JPH3: variants seen among roughly 807,000 people sequenced by gnomAD.
JPH3 encodes the protein junctophilin-3.
A neutral mutation model predicts 59.6 loss-of-function variants in JPH3; 11 were observed. That is an observed-to-expected ratio of 0.18 (90% CI 0.12 to 0.31). JPH3 has a LOEUF of 0.31. Ranked by LOEUF, JPH3 falls within the 10% of genes least tolerant of loss-of-function variation. The pLI, the probability that JPH3 is intolerant of heterozygous loss-of-function variation, is 1.00. For synonymous variants in JPH3, 673 were observed against 483.6 expected, an observed-to-expected ratio of 1.39 and a Z score of -5.14; for missense variants, 1,202 against 1,105.7, an observed-to-expected ratio of 1.09 and a Z score of -1.24.
In JPH3 at chr16:87,677,225, C is replaced by CACACACAAAAA. The variant is rs1271128667; in HGVS notation, c.1161-6916_1161-6915insCACACAAAAAA. ...ACACACACACACACACACACACACA[C>CACACACAAAAA]AAAAAAAAAAATTAGCCGGGTGTGG... On this transcript the variant is annotated intron_variant, in intron 2 of 4. Coordinates refer to ENST00000284262, the MANE Select transcript of JPH3 (RefSeq NM_020655.4). 1.4e-3 allele frequency among the ~76,000 whole-genome samples: 112 copies of CACACACAAAAA among 81,698 alleles called. 1 individual carries two copies. The highest frequency in any genetic ancestry group is 4.6e-3 in the African/African-American group (107 of 23,252). The allele number at this position is 81,698 out of a possible 152,430, so 53.6% of individuals were successfully genotyped here.
intron 2 of JPH3, among the ~76,000 whole-genome samples, chr16:87,649,490 T>C (rs2032261704): frequency 6.6e-6 from 1 of 152,190 alleles, no homozygotes; most frequent in Non-Finnish European, 1.5e-5. Flanking sequence ...TCAATTGCTG[T>C]CCTTGATCTG....
intron 1 of JPH3, among the ~76,000 whole-genome samples, chr16:87,623,289 G>A (rs1051725292): frequency 3.9e-5 from 6 of 152,230 alleles, no homozygotes; most frequent in African/African-American, 1.4e-4. Context: ...GGCTGCAGGG[G>A]CAGGCGAGGG....
At chr16:87,692,664 C>A (rs2033627680) in intron 4 of JPH3, among the ~76,000 whole-genome samples, 1 of 152,142 alleles carries the variant, frequency 6.6e-6, no homozygotes, top group Non-Finnish European at 1.5e-5. Context: ...GGTAAAGTCC[C>A]TTAGGATGGA....
intron 2 of JPH3, among the ~76,000 whole-genome samples, chr16:87,657,172 C>A (rs2150855825): frequency 6.6e-6 from 1 of 152,278 alleles, no homozygotes; most frequent in South Asian, 2.1e-4. Context: ...TGGGTGAGCC[C>A]TGCTTCTCAA....
intron 2 of JPH3, among the ~76,000 whole-genome samples, chr16:87,651,870 A>C (rs373650157): frequency 7.2e-5 from 11 of 152,264 alleles, no homozygotes; most frequent in African/African-American, 2.2e-4. Flanking sequence ...CCAGTTTCCA[A>C]TGAAGCTCTA....
At chr16:87,679,733 TTAGTCCGG>T in intron 2 of JPH3, among the ~76,000 whole-genome samples, 1 of 152,206 alleles carries the variant, frequency 6.6e-6, no homozygotes, top group Admixed American at 6.5e-5. Flanking sequence ...CACCAGAGCC[TTAGTCCGG>T]GTGGCCACCA....
intron 2 of JPH3, among the ~76,000 whole-genome samples, chr16:87,683,766 C>G (rs1206610448): frequency 6.6e-6 from 1 of 152,114 alleles, no homozygotes; most frequent in Non-Finnish European, 1.5e-5. Context: ...GCCATCACAC[C>G]CAGCTAATTT....
intron 3 of JPH3, among the ~76,000 whole-genome samples, chr16:87,685,427 T>C (rs1359414640): frequency 6.6e-6 from 1 of 152,258 alleles, no homozygotes; most frequent in African/African-American, 2.4e-5. Flanking sequence ...ATTGGCATCC[T>C]CCATGGTCTC....
At chr16:87,621,699 G>T (rs887886459) in intron 1 of JPH3, among the ~76,000 whole-genome samples, 2 of 152,204 alleles carry the variant, frequency 1.3e-5, no homozygotes, top group Non-Finnish European at 2.9e-5. Flanking sequence ...AATGAGGGTG[G>T]ACACTCCCCC....
intron 3 of JPH3, among the ~76,000 whole-genome samples, chr16:87,684,815 C>T (rs958565799): frequency 1.3e-5 from 2 of 149,880 alleles, no homozygotes; most frequent in African/African-American, 2.4e-5. Flanking sequence ...TTAGGAACCT[C>T]GTCCTCCCTT....
intron 1 of JPH3, among the ~76,000 whole-genome samples, chr16:87,621,063 A>G (rs1054145233): frequency 3.9e-5 from 6 of 152,314 alleles, no homozygotes; most frequent in Admixed American, 2.0e-4. Context: ...GGAGGCTGAG[A>G]CAGGAGAATT....
intron 1 of JPH3, chr16:87,604,979 CTGTG>C: frequency 2.2e-5 from 10 of 449,170 alleles, no homozygotes; most frequent in Non-Finnish European, 3.1e-5. Flanking sequence ...GGCTGTGGGC[CTGTG>C]TGTGTGTGTG....
intron 2 of JPH3, among the ~76,000 whole-genome samples, chr16:87,655,803 T>C (rs1256467690): frequency 6.6e-6 from 1 of 152,254 alleles, no homozygotes; most frequent in East Asian, 1.9e-4. Context: ...TCATGGTCCC[T>C]GCGTCTGCTC....
At chr16:87,691,457 A>ACGCAGGGGGGTGTC (rs1363986109) in intron 4 of JPH3, among the ~76,000 whole-genome samples, 6 of 152,050 alleles carry the variant, frequency 3.9e-5, no homozygotes, top group African/African-American at 1.4e-4. Flanking sequence ...GGGTGTGAGG[A>ACGCAGGGGGGTGTC]CGCAGGGGGG....
At chr16:87,687,193 CT>C (rs2033439707) in intron 3 of JPH3, among the ~76,000 whole-genome samples, 1 of 152,122 alleles carries the variant, frequency 6.6e-6, no homozygotes, top group African/African-American at 2.4e-5. Flanking sequence ...CTGGGGGAAG[CT>C]GTCCAGGTCC....
At position 87,680,377 on chromosome 16, in the gene JPH3, A is replaced by G. The variant is rs912961468; in HGVS notation, c.1161-3765A>G. On this transcript the variant is annotated intron_variant, in intron 2 of 4. Transcript: ENST00000284262. ...CTGCGCCCGGAAGGAAGCGGTGTGG[A>G]CCCAGAAGGAAGCGGAGCCCTGGTG... Among the ~76,000 whole-genome samples the G allele has an allele frequency of 1.5e-4, 10 of 68,316 alleles. 1 individual carries two copies. In the South Asian group the frequency reaches 1.9e-3, roughly 13 times the overall value. 44.8% of individuals were successfully genotyped at this position (68,316 alleles called of 152,430 possible).
intron 1 of JPH3, among the ~76,000 whole-genome samples, chr16:87,616,180 C>T (rs1480186757): frequency 6.9e-6 from 1 of 144,424 alleles, no homozygotes; most frequent in African/African-American, 2.6e-5. Flanking sequence ...AACAGCAACG[C>T]AATCTGGTTT....
At chr16:87,676,563 G>C (rs1487034622) in intron 2 of JPH3, among the ~76,000 whole-genome samples, 1 of 151,946 alleles carries the variant, frequency 6.6e-6, no homozygotes, top group Non-Finnish European at 1.5e-5. Flanking sequence ...GTGAAACCCC[G>C]TCTCTCCTAA....
chr16:87,626,816 T>C (rs73234343), intron 1 of JPH3, among the ~76,000 whole-genome samples: 2,626 of 152,290 alleles, frequency 0.017, 88 homozygotes, highest in African/African-American at 0.06. Flanking sequence ...GGCACAGCTC[T>C]TCAGCAGCAA....
Sources: allele counts gnomAD v4.1 joint callset (sites outside exome capture counted in the v4.1 genomes callset), GRCh38; gene constraint gnomAD v4.1.1; transcripts MANE v1.5; gene names NCBI Gene and HGNC (gene_info 2026-07-23, HGNC 2026-07-21).